Variants in WDFY2 observed in about 807,000 individuals in gnomAD.
The protein encoded by WDFY2 is WD repeat and FYVE domain containing 2, also known as WD repeat and FYVE domain-containing protein 2.
A neutral mutation model predicts 56.4 loss-of-function variants in WDFY2; 36 were observed. The observed-to-expected ratio is 0.64, with a 90% CI of 0.49 to 0.84. The LOEUF is 0.84. Ranked by LOEUF, WDFY2 falls within the 40% of genes least tolerant of loss-of-function variation. WDFY2 has a pLI of 0.00. For missense variants in WDFY2, 444 were observed against 512.2 expected, an observed-to-expected ratio of 0.87 and a Z score of 1.29; for synonymous variants, 176 against 183.7, an observed-to-expected ratio of 0.96 and a Z score of 0.34.
intron 4 of WDFY2, among the ~76,000 whole-genome samples, chr13:51,705,261 A>G (rs1364904104): frequency 1.3e-5 from 2 of 152,208 alleles, no homozygotes; most frequent in Non-Finnish European, 2.9e-5. Flanking sequence ...ATGAGACTAC[A>G]GTTCCATTCC....
At chr13:51,633,501 A>G (rs1158515048) in intron 1 of WDFY2, among the ~76,000 whole-genome samples, 9 of 152,210 alleles carry the variant, frequency 5.9e-5, no homozygotes, top group African/African-American at 2.2e-4. Flanking sequence ...GATGAATGGC[A>G]GCAGTTTTGT....
intron 1 of WDFY2, among the ~76,000 whole-genome samples, chr13:51,649,325 A>C (rs966755835): frequency 6.4e-4 from 98 of 151,942 alleles, no homozygotes; most frequent in Admixed American, 8.5e-4. Context: ...CACGTGCAAG[A>C]TGGACTGTGC....
At chr13:51,748,417 C>A (rs887792164) in intron 7 of WDFY2, among the ~76,000 whole-genome samples, 1 of 152,140 alleles carries the variant, frequency 6.6e-6, no homozygotes, top group Non-Finnish European at 1.5e-5. Context: ...TTGGAGTGTT[C>A]ATTTCATTTG....
chr13:51,619,906 C>T (rs2138354019), intron 1 of WDFY2, among the ~76,000 whole-genome samples: 1 of 152,320 alleles, frequency 6.6e-6, no homozygotes, highest in South Asian at 2.1e-4. Flanking sequence ...CTGAGACTCG[C>T]CTACTTGTTC....
At chr13:51,616,905 T>C (rs1487497602) in intron 1 of WDFY2, among the ~76,000 whole-genome samples, 1 of 152,222 alleles carries the variant, frequency 6.6e-6, no homozygotes. Flanking sequence ...TACACCAAGC[T>C]AGAAGAATTT....
intron 1 of WDFY2, among the ~76,000 whole-genome samples, chr13:51,615,081 C>T (rs1954586192): frequency 6.6e-6 from 1 of 152,134 alleles, no homozygotes; most frequent in Non-Finnish European, 1.5e-5. Flanking sequence ...TAAAAACTAT[C>T]TTGAAACCCA....
chr13:51,622,014 G>A (rs561329653), intron 1 of WDFY2, among the ~76,000 whole-genome samples: 18 of 152,282 alleles, frequency 1.2e-4, no homozygotes, highest in African/African-American at 4.3e-4. Flanking sequence ...GTGTGTGAGA[G>A]AGAGAAGGGA....
At chr13:51,585,222 T>G (rs1444671035) in intron 1 of WDFY2, among the ~76,000 whole-genome samples, 1 of 152,202 alleles carries the variant, frequency 6.6e-6, no homozygotes, top group Non-Finnish European at 1.5e-5. Flanking sequence ...CCAAGGGGTT[T>G]GGGGTACTCT....
At chr13:51,734,437 G>A (rs561965228) in intron 6 of WDFY2, among the ~76,000 whole-genome samples, 25 of 152,240 alleles carry the variant, frequency 1.6e-4, no homozygotes, top group African/African-American at 6.0e-4. Flanking sequence ...AGATACATAC[G>A]TGGGAGATAT....
At chr13:51,625,479 A>C (rs1185526230) in intron 1 of WDFY2, among the ~76,000 whole-genome samples, 2 of 152,200 alleles carry the variant, frequency 1.3e-5, no homozygotes, top group Non-Finnish European at 2.9e-5. Flanking sequence ...AGAAAAGGTA[A>C]ATCTGTTCAT....
intron 1 of WDFY2, among the ~76,000 whole-genome samples, chr13:51,613,687 T>C (rs1246679890): frequency 3.9e-5 from 6 of 152,160 alleles, no homozygotes; most frequent in Non-Finnish European, 7.3e-5. Context: ...CTGTGATTTT[T>C]TTTTTCGTGG....
intron 2 of WDFY2, among the ~76,000 whole-genome samples, chr13:51,661,348 C>T (rs1372697955): frequency 6.6e-6 from 1 of 152,084 alleles, no homozygotes; most frequent in Non-Finnish European, 1.5e-5. Flanking sequence ...CATCCTATCC[C>T]ATGTTTATTT....
chr13:51,616,809 A>G (rs1435466905), intron 1 of WDFY2, among the ~76,000 whole-genome samples: 2 of 152,270 alleles, frequency 1.3e-5, no homozygotes, highest in South Asian at 4.1e-4. Flanking sequence ...ACAGGGTACT[A>G]TGAGATGAGT....
chr13:51,746,187 A>G (rs1201366047), intron 7 of WDFY2, among the ~76,000 whole-genome samples: 4 of 151,810 alleles, frequency 2.6e-5, no homozygotes, highest in Non-Finnish European at 4.4e-5. Flanking sequence ...TCTCCACATT[A>G]GCCAGGCTGG....
chr13:51,683,307 C>T (rs182413558), intron 3 of WDFY2, among the ~76,000 whole-genome samples: 6 of 152,308 alleles, frequency 3.9e-5, no homozygotes, highest in East Asian at 3.9e-4. Flanking sequence ...TTAAAATCAA[C>T]GATAGGAATC....
chr13:51,750,664 A>G (rs2138715837), intron 7 of WDFY2, among the ~76,000 whole-genome samples: 1 of 152,266 alleles, frequency 6.6e-6, no homozygotes, highest in Middle Eastern at 3.4e-3. Flanking sequence ...TTTTGCCGCC[A>G]AGAGGGAATA....
intron 4 of WDFY2, among the ~76,000 whole-genome samples, chr13:51,711,517 A>G (rs1468663339): frequency 6.6e-6 from 1 of 152,256 alleles, no homozygotes; most frequent in African/African-American, 2.4e-5. Flanking sequence ...ACAGAATGGG[A>G]GAAGATTTTT....
intron 3 of WDFY2, among the ~76,000 whole-genome samples, chr13:51,685,609 T>C (rs1956048354): frequency 6.6e-6 from 1 of 152,114 alleles, no homozygotes; most frequent in African/African-American, 2.4e-5. Context: ...AAGTGGATCA[T>C]CATAAAGGCC....
At chr13:51,702,229 T>G (rs1951999940) in intron 3 of WDFY2, among the ~76,000 whole-genome samples, 1 of 151,976 alleles carries the variant, frequency 6.6e-6, no homozygotes, top group African/African-American at 2.4e-5. Flanking sequence ...GGAGAATTAC[T>G]TGAACCTGGG....
Sources: allele counts gnomAD v4.1 joint callset (sites outside exome capture counted in the v4.1 genomes callset), GRCh38; gene constraint gnomAD v4.1.1; transcripts MANE v1.5; gene names NCBI Gene and HGNC (gene_info 2026-07-23, HGNC 2026-07-21).